The following MYLK variants were observed in gnomAD, a reference collection of about 807,000 sequenced individuals.
MYLK encodes myosin light chain kinase, smooth muscle.
A neutral mutation model predicts 203.4 loss-of-function variants in MYLK; 106 were observed. That is an observed-to-expected ratio of 0.52 (90% CI 0.45 to 0.61). The LOEUF (loss-of-function observed/expected upper bound fraction) is 0.61, where lower values mean the gene tolerates loss of function less well. Ranked by LOEUF, MYLK falls within the 20% of genes least tolerant of loss-of-function variation. The pLI, the probability that MYLK is intolerant of heterozygous loss-of-function variation, is 0.00. For missense variants in MYLK, 2,072 were observed against 2,442.3 expected, an observed-to-expected ratio of 0.85 and a Z score of 3.20; for synonymous variants, 867 against 959.5, an observed-to-expected ratio of 0.90 and a Z score of 1.78.
At chr3:123,660,859 G>A (rs572572512) in intron 23 of MYLK, among the ~76,000 whole-genome samples, 24 of 152,316 alleles carry the variant, frequency 1.6e-4, no homozygotes, top group Middle Eastern at 3.4e-3. Flanking sequence ...ATACAGAGAT[G>A]TCCCTGAAGA....
intron 2 of MYLK, among the ~76,000 whole-genome samples, chr3:123,860,805 A>C (rs920541276): frequency 8.5e-5 from 13 of 152,110 alleles, no homozygotes; most frequent in Admixed American, 4.6e-4. Context: ...TGTCAGAGTA[A>C]AATGCATAGG....
intron 20 of MYLK, among the ~76,000 whole-genome samples, chr3:123,677,918 T>TATATACACATAC (rs1273803739): frequency 1.3e-5 from 1 of 78,918 alleles, no homozygotes; most frequent in South Asian, 5.6e-4. Flanking sequence ...TATATATATA[T>TATATACACATAC]ACACACACAC....
intron 9 of MYLK, 187 bp from the exon 10 acceptor site, chr3:123,734,409 A>G: frequency 1.7e-6 from 1 of 579,114 alleles, no homozygotes; most frequent in South Asian, 3.0e-5. Flanking sequence ...CAGCACAAGC[A>G]GCCATTCCCG....
At chr3:123,819,894 C>G (rs2065867544) in intron 3 of MYLK, among the ~76,000 whole-genome samples, 1 of 147,064 alleles carries the variant, frequency 6.8e-6, no homozygotes, top group African/African-American at 2.5e-5. Context: ...ACATCCCATT[C>G]ATTCCTCCCA....
chr3:123,633,840 T>G (rs2058534294), intron 29 of MYLK, among the ~76,000 whole-genome samples: 1 of 152,142 alleles, frequency 6.6e-6, no homozygotes, highest in Non-Finnish European at 1.5e-5. Context: ...TGTGTGTGTG[T>G]GTGCGTGTAT....
chr3:123,811,616 T>A lies in MYLK; in HGVS notation c.-3-17772A>T, dbSNP rs188881221. Among the ~76,000 whole-genome samples the A allele has an allele frequency of 3.4e-3, 514 of 152,328 alleles. 2 individuals are homozygous for A. Among genetic ancestry groups the A allele is most frequent in the African/African-American group, 0.011 (468 of 41,574 alleles). On this transcript the variant is annotated intron_variant, in intron 3 of 33. Transcript: ENST00000360304. ...AACAAAGGCAGCAGTTCATTTTTTT[T>A]AGCATTCAGCCTGGAGTGCCTAGCA... is the stretch of plus-strand genomic sequence containing the variant.
intron 3 of MYLK, among the ~76,000 whole-genome samples, chr3:123,827,856 T>C (rs1324755068): frequency 2.7e-5 from 4 of 147,464 alleles, no homozygotes; most frequent in African/African-American, 1.0e-4. Flanking sequence ...AGCAACAAAC[T>C]AGCTGAAAAG....
intron 31 of MYLK, 29 bp from the exon 32 acceptor site, chr3:123,620,365 A>C: frequency 6.2e-7 from 1 of 1,613,836 alleles, no homozygotes; most frequent in Non-Finnish European, 8.5e-7. Flanking sequence ...GGTTGGACTC[A>C]GGCGTTGTCC....
chr3:123,742,586 C>T (rs1576813209), intron 5 of MYLK, among the ~76,000 whole-genome samples: 1 of 152,018 alleles, frequency 6.6e-6, no homozygotes, highest in Non-Finnish European at 1.5e-5. Flanking sequence ...ATGGATAGGG[C>T]CTTCTAAACA....
rs2057329791 is a variant in MYLK at position 123,614,101 on chromosome 3, T to C, written c.*4A>G. 2 of 1,613,910 alleles carry C rather than the reference T, an allele frequency of 1.2e-6. No homozygotes were observed. The highest frequency in any genetic ancestry group is 1.7e-6 in the Non-Finnish European group (2 of 1,180,000). On this transcript the variant is annotated 3_prime_UTR_variant, in exon 34 of 34. Transcript: ENST00000360304. The stretch of plus-strand genomic sequence containing the variant: ...CTTAGAAACTGCTTTTCTCTGGCTT[T>C]GTTTCACTCTTCTTCCTCTTCCCCT...
rs780949312 is a variant in MYLK, at chr3:123,708,745, C to A, written c.2093G>T (p.Trp698Leu). The change falls in exon 15 of 34, where the codon TGG becomes TTG. Residue 698 changes from tryptophan to leucine, a missense_variant. Around this residue, in one of 3 missense-constraint regions of MYLK, gnomAD observed 865 missense variants for 1,016.0 expected, o/e 0.85. Coordinates refer to ENST00000360304, the MANE Select transcript of MYLK (RefSeq NM_053025.4). The stretch of plus-strand genomic sequence containing the variant: ...GGTGCGGACCTCTCCAGCGCTGTTC[C>A]AGGCCTCGCAGGTGTACGTGCCCGT... ...EDTGTYTCEA[W>L]NSAGEVRTQA... is the part of the protein sequence containing the mutation. 24 of 1,614,082 alleles carry A rather than the reference C, an allele frequency of 1.5e-5. No homozygotes were observed. The highest frequency in any genetic ancestry group is 2.0e-5 in the Non-Finnish European group (24 of 1,180,044).
chr3:123,762,255 G>A (rs2063559906), intron 4 of MYLK, among the ~76,000 whole-genome samples: 1 of 150,666 alleles, frequency 6.6e-6, no homozygotes, highest in African/African-American at 2.4e-5. Flanking sequence ...TTTGAGATGG[G>A]GTCTCACTTT....
chr3:123,677,884 A>AAT (rs3085284), intron 20 of MYLK, among the ~76,000 whole-genome samples: 3,911 of 53,372 alleles, frequency 0.073, 227 homozygotes, highest in Middle Eastern at 0.094. Context: ...TAAATAAATG[A>AAT]ATATATATAT....
intron 18 of MYLK, among the ~76,000 whole-genome samples, chr3:123,696,465 C>T (rs576932134): frequency 2.0e-4 from 30 of 152,182 alleles, no homozygotes; most frequent in East Asian, 9.7e-4. Context: ...GGGAGGCCAG[C>T]GGAGCCATTC....
intron 4 of MYLK, 61 bp downstream of exon 4, chr3:123,793,616 A>G: frequency 1.3e-6 from 2 of 1,591,158 alleles, no homozygotes; most frequent in Non-Finnish European, 8.6e-7. Context: ...AAGGCTTGAC[A>G]AGGAGCAGCG....
chr3:123,721,806 T>C (rs1401661899), intron 13 of MYLK, among the ~76,000 whole-genome samples: 1 of 147,876 alleles, frequency 6.8e-6, no homozygotes, highest in Non-Finnish European at 1.5e-5. Flanking sequence ...TACCTTTCCA[T>C]GGCCCCAGTG....
In MYLK at chr3:123,709,790, A is replaced by G; in HGVS notation, c.1908T>C (p.Asp636=). Residue 636 remains aspartate (D), a synonymous_variant, in exon 14 of 34, where the codon GAT becomes GAC. Coordinates refer to ENST00000360304, the MANE Select transcript of MYLK (RefSeq NM_053025.4). ...GGACAGTCATAGTGACCTGGCTTCC[A>G]TCCATGACTTTGAGATCAGAGAGGC... ...LQGLSDLKVM[D]GSQVTMTVQV... is the part of the protein sequence containing the mutation. 6 of 1,614,170 alleles carry G rather than the reference A, an allele frequency of 3.7e-6. No homozygotes were observed. The highest frequency in any genetic ancestry group is 4.2e-6 in the Non-Finnish European group (5 of 1,179,996).
At chr3:123,732,070 C>T (rs929717551) in intron 11 of MYLK, among the ~76,000 whole-genome samples, 1 of 150,684 alleles carries the variant, frequency 6.6e-6, no homozygotes, top group African/African-American at 2.4e-5. Context: ...TTTCCAGCAG[C>T]CTGCAATTTG....
chr3:123,793,309 C>T (rs2064855341), intron 4 of MYLK, among the ~76,000 whole-genome samples: 1 of 152,210 alleles, frequency 6.6e-6, no homozygotes, highest in African/African-American at 2.4e-5. Flanking sequence ...AGAAAAATTA[C>T]AGTCAATTCT....
Sources: allele counts gnomAD v4.1 joint callset (sites outside exome capture counted in the v4.1 genomes callset), GRCh38; gene constraint gnomAD v4.1.1; regional missense constraint gnomAD v4.1.1; transcripts MANE v1.5; gene names NCBI Gene and HGNC (gene_info 2026-07-23, HGNC 2026-07-21).